RALGPS2: variants seen among roughly 807,000 people sequenced by gnomAD.
The protein encoded by RALGPS2 is ras-specific guanine nucleotide-releasing factor RalGPS2.
In RALGPS2, 43 loss-of-function variants were observed where a neutral mutation model predicts 86.8. The observed-to-expected ratio is 0.50, with a 90% CI of 0.39 to 0.64. The LOEUF is 0.64. Ranked by LOEUF, RALGPS2 falls within the 30% of genes least tolerant of loss-of-function variation. The probability of loss-of-function intolerance (pLI) is 0.00; values close to 1 mark genes in which losing one functional copy is unlikely to be tolerated. For synonymous variants in RALGPS2, 243 were observed against 231.3 expected, an observed-to-expected ratio of 1.05 and a Z score of -0.46; for missense variants, 536 against 694.6, an observed-to-expected ratio of 0.77 and a Z score of 2.57.
chr1:178,752,192 G>A (rs988243122), intron 1 of RALGPS2, among the ~76,000 whole-genome samples: 6 of 150,716 alleles, frequency 4.0e-5, no homozygotes, highest in Non-Finnish European at 5.9e-5. Context: ...CTAGTGTGCA[G>A]TGGCACAGTC....
rs146353121 is a variant in RALGPS2 at position 178,738,843 on chromosome 1, C to T, written c.-84+13424C>T. ...TTGAAGATCAAGTGTAATTATAGCC[C>T]AGATTCTGTTGCATCTGTGGTTATT... On this transcript the variant is annotated intron_variant, in intron 1 of 19. Transcript: ENST00000367635. 3.4e-3 allele frequency among the ~76,000 whole-genome samples: 516 copies of T among 152,220 alleles called. 1 individual carries two copies. Among genetic ancestry groups the T allele is most frequent in the African/African-American group, 0.012 (482 of 41,550 alleles).
rs184002017 is a variant in RALGPS2, at chr1:178,801,338, C to A, written c.214-6707C>A. ...AATCTACTGTGTTTTAAAAGTCTTT[C>A]CCATCCTGAAAACAGATGTCTTAAT... On this transcript the variant is annotated intron_variant, in intron 4 of 19. Transcript: ENST00000367635. Among the ~76,000 whole-genome samples, 192 of 152,114 alleles carry A rather than the reference C, an allele frequency of 1.3e-3. 2 individuals are homozygous for A. The highest frequency in any genetic ancestry group is 4.3e-3 in the African/African-American group (177 of 41,504).
Position 178,833,505 on chromosome 1 carries a change from G to A in RALGPS2, c.562G>A (p.Asp188Asn). The change falls in exon 8 of 20, where the codon GAC becomes AAC. Residue 188 changes from aspartate (D) to asparagine (N), a missense_variant. Physicochemically the swap from Asp to Asn is conservative, Grantham distance 23. Transcript: ENST00000367635. ...SKEDNYKRLR[D>N]YISSLKMTPC... ...AGAAGATAACTACAAAAGACTCAGAGACTATATAAGTAGCTTAAAGATGAC... is the reference window on the plus strand; with the variant it reads ...AGAAGATAACTACAAAAGACTCAGAAACTATATAAGTAGCTTAAAGATGAC... 1 of 1,532,956 alleles carries A rather than the reference G, an allele frequency of 6.5e-7. No homozygotes were observed. Among genetic ancestry groups the A allele is most frequent in the Non-Finnish European group, 8.7e-7 (1 of 1,151,820 alleles). 95.0% of individuals were successfully genotyped at this position (1,532,956 alleles called of 1,614,324 possible).
chr1:178,820,133 T>C (rs947523871), intron 6 of RALGPS2, among the ~76,000 whole-genome samples: 1 of 152,200 alleles, frequency 6.6e-6, no homozygotes, highest in Admixed American at 6.5e-5. Flanking sequence ...TTAAGTGAGA[T>C]CAATGAAGTC....
intron 1 of RALGPS2, chr1:178,726,167 T>C (rs1285659845): frequency 1.3e-5 from 2 of 152,266 alleles, no homozygotes; most frequent in Non-Finnish European, 2.9e-5. Flanking sequence ...GGGAGATCTG[T>C]CTGCAAATAT....
chr1:178,747,794 G>A (rs988870273), intron 1 of RALGPS2: 8 of 728,918 alleles, frequency 1.1e-5, no homozygotes, highest in East Asian at 1.0e-4. Context: ...GCCTGTGCCA[G>A]CGGAGACGCT....
chr1:178,798,170 T>A, intron 4 of RALGPS2, among the ~76,000 whole-genome samples: 1 of 152,218 alleles, frequency 6.6e-6, no homozygotes, highest in Non-Finnish European at 1.5e-5. Context: ...AAAGACCTTG[T>A]GTTCTGCCAT....
chr1:178,910,167 A>G (rs1265379899), intron 19 of RALGPS2, among the ~76,000 whole-genome samples: 1 of 152,080 alleles, frequency 6.6e-6, no homozygotes, highest in African/African-American at 2.4e-5. Flanking sequence ...TGGGTCAGAG[A>G]CTATGGGGTT....
intron 1 of RALGPS2, among the ~76,000 whole-genome samples, chr1:178,771,964 A>G (rs1331249327): frequency 1.3e-5 from 2 of 152,158 alleles, no homozygotes; most frequent in Non-Finnish European, 2.9e-5. Flanking sequence ...CATTCCAGGT[A>G]CAAGAGATCC....
At chr1:178,787,661 G>A in intron 4 of RALGPS2, among the ~76,000 whole-genome samples, 1 of 152,252 alleles carries the variant, frequency 6.6e-6, no homozygotes, top group South Asian at 2.1e-4. Flanking sequence ...GCATCTGATA[G>A]TACTTTGTGA....
At chr1:178,785,434 C>T (rs959079910) in intron 3 of RALGPS2, 123 bp from the exon 4 acceptor site, 5 of 1,049,644 alleles carry the variant, frequency 4.8e-6, no homozygotes, top group Non-Finnish European at 6.4e-6. Flanking sequence ...TTTTGTTTTC[C>T]ATAAGCCCTT....
chr1:178,791,485 A>G (rs1439250077), intron 4 of RALGPS2, among the ~76,000 whole-genome samples: 1 of 152,078 alleles, frequency 6.6e-6, no homozygotes, highest in Non-Finnish European at 1.5e-5. Flanking sequence ...ATTTTAGGTG[A>G]TGGTTTATTT....
At chr1:178,851,225 G>A (rs1657152029) in intron 8 of RALGPS2, 3 of 1,613,886 alleles carry the variant, frequency 1.9e-6, no homozygotes, top group Admixed American at 3.3e-5. Flanking sequence ...GCTTGCTTCT[G>A]TAATGGCCTC....
At chr1:178,896,564 C>T (rs1167382793) in intron 16 of RALGPS2, among the ~76,000 whole-genome samples, 2 of 149,206 alleles carry the variant, frequency 1.3e-5, no homozygotes, top group Non-Finnish European at 3.0e-5. Flanking sequence ...GTGCGCTGCA[C>T]CCACTAACTC....
chr1:178,894,221 C>T, intron 16 of RALGPS2, 197 bp downstream of exon 16: 1 of 413,068 alleles, frequency 2.4e-6, no homozygotes. Context: ...TCAGATAGTA[C>T]CAAACCAAAT....
chr1:178,899,653 G>GTTT (rs57623890), intron 17 of RALGPS2, among the ~76,000 whole-genome samples: 4,176 of 140,514 alleles, frequency 0.03, 231 homozygotes, highest in African/African-American at 0.1. Context: ...TTTGGTTTTG[G>GTTT]TTTTTTTTTT....
intron 8 of RALGPS2, among the ~76,000 whole-genome samples, chr1:178,859,560 C>T (rs966353003): frequency 4.0e-5 from 6 of 150,964 alleles, no homozygotes; most frequent in African/African-American, 1.5e-4. Context: ...CCCGCCACTA[C>T]GAAGTTTTAA....
At chr1:178,887,935 C>T (rs1659559988) in intron 13 of RALGPS2, among the ~76,000 whole-genome samples, 1 of 151,984 alleles carries the variant, frequency 6.6e-6, no homozygotes, top group Non-Finnish European at 1.5e-5. Context: ...CCACTTAAAG[C>T]AAAAAGTTTT....
chr1:178,821,809 A>G (rs1009711748), intron 7 of RALGPS2, 105 bp downstream of exon 7: 22 of 931,426 alleles, frequency 2.4e-5, no homozygotes, highest in African/African-American at 2.0e-4. Context: ...ATGATAATCA[A>G]TAAGGATTTT....
Sources: gnomAD v4.1 joint callset for allele counts (sites outside exome capture counted in the v4.1 genomes callset) on GRCh38, gnomAD v4.1.1 for gene constraint, MANE v1.5 for transcripts, NCBI Gene and HGNC (gene_info 2026-07-23, HGNC 2026-07-21) for gene names.